RP1: variants seen among roughly 807,000 people sequenced by gnomAD.
RP1 encodes oxygen-regulated protein 1.
Under a neutral mutation model 14.8 loss-of-function variants are expected in RP1, and 16 were observed. That is an observed-to-expected ratio of 1.08 (90% CI 0.73 to 1.65). RP1 has a LOEUF of 1.65. Ranked by LOEUF, RP1 falls within the 40% of genes most tolerant of loss-of-function variation. The pLI is 0.00. For synonymous variants in RP1, 876 were observed against 883.6 expected, an observed-to-expected ratio of 0.99 and a Z score of 0.15; for missense variants, 2,631 against 2,535.0, an observed-to-expected ratio of 1.04 and a Z score of -0.81.
intron 24 of RP1, among the ~76,000 whole-genome samples, chr8:54,785,610 T>C (rs1389903570): frequency 1.3e-5 from 2 of 152,110 alleles, no homozygotes. Flanking sequence ...ACTGCCAAAC[T>C]GTTTTCCAAA....
At chr8:54,789,300 C>T (rs1427681108) in intron 24 of RP1, among the ~76,000 whole-genome samples, 2 of 152,192 alleles carry the variant, frequency 1.3e-5, no homozygotes, top group Non-Finnish European at 1.5e-5. Flanking sequence ...GCAGTTATGC[C>T]TGTCTTGGGT....
chr8:54,609,067 G>A (rs776802789), intron 1 of RP1, among the ~76,000 whole-genome samples: 2 of 152,190 alleles, frequency 1.3e-5, no homozygotes, highest in African/African-American at 4.8e-5. Context: ...AGCTATGATG[G>A]ATAGATGTCA....
At chr8:54,702,138 AT>A (rs1808036504) in intron 14 of RP1, among the ~76,000 whole-genome samples, 1 of 152,190 alleles carries the variant, frequency 6.6e-6, no homozygotes, top group South Asian at 2.1e-4. Context: ...CCAGGCATTT[AT>A]TGAGAATTTC....
intron 27 of RP1, among the ~76,000 whole-genome samples, chr8:54,865,524 A>G (rs1289678482): frequency 6.6e-6 from 1 of 152,166 alleles, no homozygotes; most frequent in Non-Finnish European, 1.5e-5. Context: ...ATGACTTAAC[A>G]TAACTGAAAT....
At chr8:54,803,261 G>A (rs563425525) in intron 24 of RP1, among the ~76,000 whole-genome samples, 2 of 152,148 alleles carry the variant, frequency 1.3e-5, no homozygotes, top group Non-Finnish European at 2.9e-5. Flanking sequence ...ATATGAACAT[G>A]TTCCTCACTG....
At chr8:54,618,880 T>G (rs1805790078) in intron 1 of RP1, among the ~76,000 whole-genome samples, 2 of 152,158 alleles carry the variant, frequency 1.3e-5, no homozygotes, top group South Asian at 2.1e-4. Context: ...AGGCTGGTCT[T>G]GAACTCCTAA....
In RP1 at chr8:54,626,320, C is replaced by T. The variant is rs767136433; in HGVS notation, c.2438C>T (p.Thr813Ile). 1 of 1,613,320 alleles carries T rather than the reference C, an allele frequency of 6.2e-7. No individual in the cohort carries two copies. Among genetic ancestry groups the T allele is most frequent in the South Asian group, 1.1e-5 (1 of 91,040 alleles). Residue 813 changes from threonine (T) to isoleucine (I), a missense_variant, in exon 4 of 4, where the codon ACT becomes ATT. Physicochemically the swap from Thr to Ile is moderately conservative, Grantham distance 89 (BLOSUM62 -1). Coordinates refer to ENST00000220676, the MANE Select transcript of RP1 (RefSeq NM_006269.2). ...AATGAATCTAAATATTGCAAAAGTA[C>T]TTTTGAAAACAAAAGTTTATTTCAT... ...PHNESKYCKS[T>I]FENKSLFHVF...
chr8:54,642,996 T>TC (rs1458056052), intron 3 of RP1, among the ~76,000 whole-genome samples: 4 of 152,030 alleles, frequency 2.6e-5, no homozygotes, highest in Non-Finnish European at 5.9e-5. Flanking sequence ...ACTTGTGTTC[T>TC]CTTTTTTTTT....
intron 1 of RP1, among the ~76,000 whole-genome samples, chr8:54,576,437 G>A (rs1347910673): frequency 6.6e-6 from 1 of 152,212 alleles, no homozygotes; most frequent in East Asian, 1.9e-4. Flanking sequence ...ACAGAAGTAC[G>A]TGTTTCTACT....
At chr8:54,788,360 A>G (rs1424356646) in intron 24 of RP1, among the ~76,000 whole-genome samples, 2 of 152,244 alleles carry the variant, frequency 1.3e-5, no homozygotes, top group Admixed American at 6.5e-5. Flanking sequence ...ATTAGCCATT[A>G]GCTAGATGGG....
upstream of RP1, among the ~76,000 whole-genome samples, chr8:54,614,312 C>T (rs1051288279): frequency 6.6e-6 from 1 of 152,170 alleles, no homozygotes; most frequent in African/African-American, 2.4e-5. Context: ...TCTCAGAGGC[C>T]ATGGCAATTG....
At chr8:54,624,610 T>C in intron 3 of RP1, 60 bp from the exon 4 acceptor site, 1 of 1,552,454 alleles carries the variant, frequency 6.4e-7, no homozygotes, top group Admixed American at 1.7e-5. Context: ...TATTTCTAAC[T>C]TCTCTGCCTT....
intron 3 of RP1, among the ~76,000 whole-genome samples, chr8:54,639,237 T>C (rs888024260): frequency 6.6e-6 from 1 of 152,204 alleles, no homozygotes; most frequent in Non-Finnish European, 1.5e-5. Context: ...TGAGATTCAT[T>C]ATTGTTGCCT....
rs560005260 is a variant in RP1 at position 54,656,820 on chromosome 8, G to A, written c.1171+605G>A. 6.7e-5 allele frequency among the ~76,000 whole-genome samples: 10 copies of A among 150,282 alleles called. No individual in the cohort carries two copies. The East Asian group carries it at 7.8e-4, about 12-fold the overall frequency. On this transcript the variant is annotated intron_variant, in intron 6 of 22. Transcript: ENST00000636932. ...GGGGGAGAACGGGATAAGGGCATACGAGATTATTAAATAGACAATTGGCAA... is the reference window on the plus strand; with the variant it reads ...GGGGGAGAACGGGATAAGGGCATACAAGATTATTAAATAGACAATTGGCAA...
chr8:54,681,482 T>TTGTG (rs3049538), intron 12 of RP1, among the ~76,000 whole-genome samples: 3,749 of 141,696 alleles, frequency 0.026, 108 homozygotes, highest in East Asian at 0.079. Flanking sequence ...ATTTTTTGAT[T>TTGTG]TGTGTGTGTG....
intron 19 of RP1, among the ~76,000 whole-genome samples, chr8:54,754,308 C>T (rs1393014810): frequency 2.7e-5 from 4 of 150,794 alleles, no homozygotes; most frequent in Admixed American, 6.6e-5. Flanking sequence ...CTAATATGAA[C>T]GCAAGATCTC....
intron 1 of RP1, among the ~76,000 whole-genome samples, chr8:54,567,887 G>A (rs1804441077): frequency 6.6e-6 from 1 of 152,128 alleles, no homozygotes; most frequent in Non-Finnish European, 1.5e-5. Flanking sequence ...CCTAATGCTT[G>A]GCACACAGTA....
Position 54,627,991 on chromosome 8 carries a change from A to G in RP1, c.4109A>G (p.Lys1370Arg). The change falls in exon 4 of 4, where the codon AAA (lysine) becomes AGA (arginine). Residue 1370 changes from lysine (K) to arginine (R), a missense_variant. Transcript: ENST00000220676. ...TTAGAAAGAGGTGATGACATTCAGA[A>G]AGATCTAAATATTTTGACAGACCCT... is the stretch of plus-strand genomic sequence containing the variant. ...EELERGDDIQ[K>R]DLNILTDPEY... 6.2e-7 allele frequency: 1 copy of G among 1,614,054 alleles called. No homozygotes were observed. The highest frequency in any genetic ancestry group is 8.5e-7 in the Non-Finnish European group (1 of 1,179,916).
In RP1 at chr8:54,723,752, A is replaced by T. The variant is rs558679513; in HGVS notation, c.2390-2593A>T. ...AGACCACACTGCTAGGTATTGTTTT[A>T]AAAAACTGTAGATCAATATAACATG... On this transcript the variant is annotated intron_variant, in intron 16 of 22. Coordinates refer to the RP1 transcript ENST00000636932. Among the ~76,000 whole-genome samples the T allele has an allele frequency of 2.6e-5, 4 of 152,324 alleles. No individual in the cohort carries two copies. The East Asian group carries it at 7.7e-4, about 29-fold the overall frequency.
Sources: gnomAD v4.1 joint callset for allele counts (sites outside exome capture counted in the v4.1 genomes callset) on GRCh38, gnomAD v4.1.1 for gene constraint, MANE v1.5 for transcripts, NCBI Gene and HGNC (gene_info 2026-07-23, HGNC 2026-07-21) for gene names.